EPB41L4A: variants seen among roughly 807,000 people sequenced by gnomAD.
The protein encoded by EPB41L4A is band 4.1-like protein 4A.
In EPB41L4A, 100 loss-of-function variants were observed where a neutral mutation model predicts 108.6. The ratio of observed to expected loss-of-function variants is 0.92; its 90% confidence interval spans 0.78 to 1.09. The LOEUF (loss-of-function observed/expected upper bound fraction) is 1.09. Among genes scored for constraint, EPB41L4A ranks in the 50% least tolerant of loss-of-function variants. The pLI is 0.00. For missense variants in EPB41L4A, 1,030 were observed against 842.7 expected, an observed-to-expected ratio of 1.22 and a Z score of -2.75; for synonymous variants, 319 against 289.0, an observed-to-expected ratio of 1.10 and a Z score of -1.05.
intron 1 of EPB41L4A, among the ~76,000 whole-genome samples, chr5:112,357,815 T>C (rs1758458114): frequency 6.6e-6 from 1 of 152,184 alleles, no homozygotes; most frequent in Non-Finnish European, 1.5e-5. Context: ...AGGGAAGAGC[T>C]ATGTGGATGG....
intron 1 of EPB41L4A, among the ~76,000 whole-genome samples, chr5:112,412,075 T>C (rs1762443526): frequency 6.6e-6 from 1 of 152,150 alleles, no homozygotes; most frequent in Admixed American, 6.5e-5. Context: ...TCAGAAGGTG[T>C]CGTTCCTAAA....
chr5:112,243,818 T>G (rs966824737), intron 9 of EPB41L4A, among the ~76,000 whole-genome samples: 1 of 152,244 alleles, frequency 6.6e-6, no homozygotes, highest in Non-Finnish European at 1.5e-5. Context: ...AGTTAGAGCC[T>G]TTCTCTGGAT....
chr5:112,268,042 G>C (rs75664786), intron 4 of EPB41L4A, among the ~76,000 whole-genome samples: 1,731 of 152,290 alleles, frequency 0.011, 39 homozygotes, highest in African/African-American at 0.04. Flanking sequence ...TCTTGGAAAG[G>C]AGAAAAGCAG....
chr5:112,216,389 T>C lies in EPB41L4A; in HGVS notation c.1088-6407A>G, dbSNP rs1165953793. On this transcript the variant is annotated intron_variant, in intron 12 of 22. Transcript: ENST00000261486. ...AAATGTTGCCATTCCTTTTAATTTT[T>C]AGAGTGAGGGTGAAGGCTGAATGTG... Among the ~76,000 whole-genome samples, 3 of 152,210 alleles carry C rather than the reference T, an allele frequency of 2.0e-5. No individual in the cohort carries two copies. In the East Asian group the frequency reaches 5.8e-4, roughly 29 times the overall value.
Position 112,339,462 on chromosome 5 carries a change from A to C in EPB41L4A, c.100-31972T>G, listed in dbSNP as rs1208303548. Among the ~76,000 whole-genome samples the C allele has an allele frequency of 3.8e-3, 299 of 79,590 alleles. 1 individual carries two copies. Among genetic ancestry groups the C allele is most frequent in the Non-Finnish European group, 4.8e-3 (179 of 37,156 alleles). 52.2% of individuals were successfully genotyped at this position (79,590 alleles called of 152,430 possible). A position where few individuals can be genotyped will look rare whatever the true frequency, so the allele number is the denominator to read the frequency against. On this transcript the variant is annotated intron_variant, in intron 1 of 22. Coordinates refer to ENST00000261486, the MANE Select transcript of EPB41L4A (RefSeq NM_022140.5). ...TAAACAAGGAGATATATAGCTATAG[A>C]TATATATATATCTATATATATATAT... is the stretch of plus-strand genomic sequence containing the variant.
intron 1 of EPB41L4A, among the ~76,000 whole-genome samples, chr5:112,339,708 G>T (rs1357302404): frequency 3.3e-5 from 5 of 151,592 alleles, no homozygotes; most frequent in African/African-American, 1.2e-4. Context: ...TAATGTTTTT[G>T]TATTTTTAGT....
At chr5:112,374,923 T>A (rs1012545169) in intron 1 of EPB41L4A, among the ~76,000 whole-genome samples, 1 of 152,210 alleles carries the variant, frequency 6.6e-6, no homozygotes, top group Non-Finnish European at 1.5e-5. Context: ...CTACGTTTTT[T>A]AAAAACCACA....
chr5:112,419,241 A>C lies in EPB41L4A; in HGVS notation c.-202T>G. On this transcript the variant is annotated 5_prime_UTR_variant, in exon 1 of 23. Coordinates refer to ENST00000261486, the MANE Select transcript of EPB41L4A (RefSeq NM_022140.5). ...AAAGGCGGAAAAGCCCGGGAGAGTC[A>C]GCGCCCGGGAGCCGCCGGGGAAGCG... The C allele has an allele frequency of 2.4e-6, 1 of 419,108 alleles. No individual in the cohort carries two copies. Among genetic ancestry groups the C allele is most frequent in the South Asian group, 3.6e-5 (1 of 27,924 alleles). The allele number at this position is 419,108 out of a possible 1,614,324, so 26.0% of individuals were successfully genotyped here.
intron 4 of EPB41L4A, among the ~76,000 whole-genome samples, chr5:112,274,035 T>C (rs895440108): frequency 2.6e-5 from 4 of 151,446 alleles, no homozygotes; most frequent in Non-Finnish European, 5.9e-5. Flanking sequence ...ACGCTGGTAA[T>C]CCCAGCACTC....
intron 13 of EPB41L4A, among the ~76,000 whole-genome samples, chr5:112,145,073 T>A (rs1028247183): frequency 6.6e-6 from 1 of 152,188 alleles, no homozygotes; most frequent in East Asian, 1.9e-4. Context: ...GCGTATCACT[T>A]GAGGTCAGGA....
intron 12 of EPB41L4A, among the ~76,000 whole-genome samples, chr5:112,217,077 T>A (rs1747699879): frequency 6.6e-6 from 1 of 152,000 alleles, no homozygotes; most frequent in Admixed American, 6.6e-5. Flanking sequence ...CCCGAGTAGC[T>A]GGGATTACAG....
chr5:112,319,256 T>C (rs1221343528), intron 1 of EPB41L4A, among the ~76,000 whole-genome samples: 2 of 151,880 alleles, frequency 1.3e-5, no homozygotes, highest in Non-Finnish European at 2.9e-5. Context: ...TTTGGGACAA[T>C]CTGAACAACA....
intron 18 of EPB41L4A, among the ~76,000 whole-genome samples, chr5:112,177,268 C>T (rs1760916196): frequency 6.6e-6 from 1 of 152,130 alleles, no homozygotes; most frequent in Non-Finnish European, 1.5e-5. Context: ...CACATTTATT[C>T]GTTCAAGGCC....
intron 17 of EPB41L4A, among the ~76,000 whole-genome samples, chr5:112,188,684 CTT>C (rs1274989475): frequency 1.3e-5 from 2 of 152,164 alleles, no homozygotes; most frequent in Admixed American, 1.3e-4. Flanking sequence ...TGTACGAACT[CTT>C]CTCTCCGTAC....
chr5:112,289,676 T>G (rs768197588), intron 2 of EPB41L4A, among the ~76,000 whole-genome samples: 4 of 152,290 alleles, frequency 2.6e-5, no homozygotes, highest in Non-Finnish European at 5.9e-5. Context: ...CCATCCCCAG[T>G]TGAAGCCCCA....
At chr5:112,184,599 T>C (rs4958007) in intron 17 of EPB41L4A, among the ~76,000 whole-genome samples, 101,965 of 152,110 alleles carry the variant, frequency 0.67, 35,095 homozygotes, top group East Asian at 0.99. Context: ...CAAATATAAT[T>C]CCCATTTTTT....
chr5:112,213,841 T>C (rs1561481287), intron 12 of EPB41L4A, among the ~76,000 whole-genome samples: 2 of 152,248 alleles, frequency 1.3e-5, no homozygotes, highest in South Asian at 2.1e-4. Flanking sequence ...AATAGTCACA[T>C]GCCTTCATTA....
chr5:112,329,841 G>A (rs1756436827), intron 1 of EPB41L4A, among the ~76,000 whole-genome samples: 1 of 151,906 alleles, frequency 6.6e-6, no homozygotes, highest in South Asian at 2.1e-4. Flanking sequence ...CATTCCCACA[G>A]TGGGTGGCCC....
At chr5:112,265,856 C>T (rs925015508) in intron 5 of EPB41L4A, among the ~76,000 whole-genome samples, 4 of 152,216 alleles carry the variant, frequency 2.6e-5, no homozygotes, top group Non-Finnish European at 5.9e-5. Flanking sequence ...CCTGGCCATG[C>T]AGACTCTTCA....
Sources: gnomAD v4.1 joint callset for allele counts (sites outside exome capture counted in the v4.1 genomes callset) on GRCh38, gnomAD v4.1.1 for gene constraint, MANE v1.5 for transcripts, NCBI Gene and HGNC (gene_info 2026-07-23, HGNC 2026-07-21) for gene names.